Variants in DIAPH2 observed in about 807,000 individuals in gnomAD.
DIAPH2 encodes diaphanous related formin 2, also known as protein diaphanous homolog 2.
DIAPH2 carries 35 observed loss-of-function variants against 92.7 expected under a neutral mutation model. The observed-to-expected ratio is 0.38, with a 90% confidence interval of 0.29 to 0.50. DIAPH2 has a LOEUF of 0.50. Among genes scored for constraint, DIAPH2 ranks in the 20% least tolerant of loss-of-function variants. The pLI, the probability that DIAPH2 is intolerant of heterozygous loss-of-function variation, is 0.94. For synonymous variants in DIAPH2, 301 were observed against 280.4 expected (o/e 1.07, Z -0.73); for missense variants, 701 against 819.5 (o/e 0.86, Z 1.77).
intron 26 of DIAPH2, among the ~76,000 whole-genome samples, chrX:97,557,572 T>C (rs767838843): frequency 5.4e-5 from 6 of 112,073 alleles, no homozygotes; most frequent in Non-Finnish European, 7.5e-5. Flanking sequence ...GCCAAGACTC[T>C]TGGGGATGTG....
intron 14 of DIAPH2, 79 bp from the exon 15 acceptor site, chrX:96,948,856 C>A: frequency 1.9e-6 from 1 of 519,840 alleles, no homozygotes; most frequent in Non-Finnish European, 2.9e-6. Context: ...AAAACCACTC[C>A]ACTTATTTAA....
chrX:97,005,908 CTTTTTTTTTTT>C (rs58056111), intron 17 of DIAPH2, among the ~76,000 whole-genome samples: 1 of 68,165 alleles, frequency 1.5e-5, no homozygotes, highest in Non-Finnish European at 2.7e-5. Context: ...TGAAGTTTTT[CTTTTTTTTTTT>C]TTTTTTTTTG....
At chrX:96,796,240 C>T (rs1357965219) in intron 4 of DIAPH2, among the ~76,000 whole-genome samples, 1 of 111,512 alleles carries the variant, frequency 9.0e-6, no homozygotes, top group African/African-American at 3.3e-5. Context: ...AGTGCAGTGG[C>T]GTGATCTCAG....
chrX:97,081,003 T>G (rs2066739727), intron 19 of DIAPH2, among the ~76,000 whole-genome samples: 1 of 112,267 alleles, frequency 8.9e-6, no homozygotes, highest in East Asian at 2.8e-4. Context: ...GTATGTCAAT[T>G]AAGGCTATAA....
intron 26 of DIAPH2, among the ~76,000 whole-genome samples, chrX:97,496,654 A>ATTTTTT (rs531696953): frequency 1.2e-5 from 1 of 81,564 alleles, no homozygotes; most frequent in Admixed American, 1.5e-4. Context: ...CCTGAATTAG[A>ATTTTTT]TTTTTTTTTT....
intron 10 of DIAPH2, among the ~76,000 whole-genome samples, chrX:96,934,161 C>A (rs973806692): frequency 9.0e-6 from 1 of 111,587 alleles, no homozygotes; most frequent in African/African-American, 3.3e-5. Flanking sequence ...CATGGGTTAA[C>A]ATATACTACA....
chrX:97,285,632 G>T (rs757960702), intron 23 of DIAPH2, among the ~76,000 whole-genome samples: 74 of 110,168 alleles, frequency 6.7e-4, no homozygotes, highest in Non-Finnish European at 1.3e-3. Flanking sequence ...GTCTCACTCT[G>T]TTGCCCAGGC....
chrX:97,569,097 A>AAAAT (rs1320397668), intron 26 of DIAPH2, among the ~76,000 whole-genome samples: 1 of 111,973 alleles, frequency 8.9e-6, no homozygotes, highest in African/African-American at 3.2e-5. Context: ...AACCTAAATT[A>AAAAT]AAATACCCAG....
chrX:96,982,458 T>C (rs2066003768), intron 17 of DIAPH2, among the ~76,000 whole-genome samples: 1 of 112,341 alleles, frequency 8.9e-6, no homozygotes, highest in African/African-American at 3.2e-5. Context: ...GTTAGGAATG[T>C]GTTGTTTCCT....
chrX:97,217,194 T>G (rs2067890321), intron 22 of DIAPH2, among the ~76,000 whole-genome samples: 1 of 111,766 alleles, frequency 8.9e-6, no homozygotes, highest in Admixed American at 9.5e-5. Flanking sequence ...GCCACTCTTG[T>G]GTTTATCAGT....
intron 4 of DIAPH2, among the ~76,000 whole-genome samples, chrX:96,876,140 C>T (rs2065176853): frequency 8.9e-6 from 1 of 111,876 alleles, no homozygotes. Flanking sequence ...ATTTATGCAG[C>T]CAACAGACAC....
intron 4 of DIAPH2, among the ~76,000 whole-genome samples, chrX:96,823,442 A>G (rs1569405489): frequency 9.0e-6 from 1 of 111,397 alleles, no homozygotes; most frequent in African/African-American, 3.3e-5. Flanking sequence ...AATGTAAAAG[A>G]TATGTACAGC....
At chrX:97,260,065 G>A (rs2068276906) in intron 23 of DIAPH2, among the ~76,000 whole-genome samples, 2 of 112,366 alleles carry the variant, frequency 1.8e-5, no homozygotes, top group South Asian at 7.3e-4. Context: ...CCTGACTTCA[G>A]GTGATCCACC....
At chrX:96,884,721 A>G (rs954018134) in intron 5 of DIAPH2, 10 of 1,208,467 alleles carry the variant, frequency 8.3e-6, no homozygotes, top group African/African-American at 1.8e-5. Context: ...CCACGGGAAC[A>G]AAGAGCCTTG....
chrX:96,958,255 C>T, intron 16 of DIAPH2, 107 bp downstream of exon 16: 2 of 865,790 alleles, frequency 2.3e-6, no homozygotes, highest in East Asian at 7.1e-5. Flanking sequence ...TCTTTCCGTT[C>T]CTTTGTGGGT....
chrX:97,436,736 CA>C (rs1451664217), intron 26 of DIAPH2, among the ~76,000 whole-genome samples: 1 of 111,412 alleles, frequency 9.0e-6, no homozygotes, highest in Non-Finnish European at 1.9e-5. Context: ...TGGGAGTTAT[CA>C]GGGGGCATTT....
intron 1 of DIAPH2, among the ~76,000 whole-genome samples, chrX:96,704,040 C>G (rs2063869920): frequency 1.8e-5 from 2 of 111,523 alleles, no homozygotes; most frequent in South Asian, 7.7e-4. Context: ...GGGATCCCCC[C>G]ACCTTAGCCT....
At chrX:97,532,580 T>C (rs989089362) in intron 26 of DIAPH2, among the ~76,000 whole-genome samples, 1 of 112,422 alleles carries the variant, frequency 8.9e-6, no homozygotes, top group Non-Finnish European at 1.9e-5. Context: ...GAGTTTGAAA[T>C]AGGCTAACGA....
chrX:97,049,208 A>C (rs184040909), intron 17 of DIAPH2, among the ~76,000 whole-genome samples: 72 of 110,729 alleles, frequency 6.5e-4, no homozygotes, highest in African/African-American at 2.3e-3. Context: ...ATTATAATTA[A>C]TAATTTTAAT....
Sources: gnomAD v4.1 joint callset for allele counts (sites outside exome capture counted in the v4.1 genomes callset) on GRCh38, gnomAD v4.1.1 for gene constraint, MANE v1.5 for transcripts, NCBI Gene and HGNC (gene_info 2026-07-23, HGNC 2026-07-21) for gene names.